ENPP1: variants seen among roughly 807,000 people sequenced by gnomAD.
The protein encoded by ENPP1 is ectonucleotide pyrophosphatase/phosphodiesterase 1, also known as ectonucleotide pyrophosphatase/phosphodiesterase family member 1.
Under a neutral mutation model 122.8 loss-of-function variants are expected in ENPP1, and 73 were observed. That is an observed-to-expected ratio of 0.59 (90% CI 0.49 to 0.72). The LOEUF (loss-of-function observed/expected upper bound fraction) is 0.72. ENPP1 is among the 30% of genes least tolerant of loss of function. The pLI is 0.00. For synonymous variants in ENPP1, 367 were observed against 391.6 expected, an observed-to-expected ratio of 0.94 and a Z score of 0.74; for missense variants, 978 against 1,128.1, an observed-to-expected ratio of 0.87 and a Z score of 1.91.
At chr6:131,880,340 G>T (rs1273848074) in intron 20 of ENPP1, among the ~76,000 whole-genome samples, 1 of 152,142 alleles carries the variant, frequency 6.6e-6, no homozygotes, top group Non-Finnish European at 1.5e-5. Context: ...GAGGCGGGCA[G>T]ATCACGAGGT....
intron 5 of ENPP1, among the ~76,000 whole-genome samples, chr6:131,853,758 G>A (rs1781909135): frequency 6.6e-6 from 1 of 152,146 alleles, no homozygotes; most frequent in Non-Finnish European, 1.5e-5. Context: ...TAAACTTTCA[G>A]TGGGAAGTCT....
intron 22 of ENPP1, among the ~76,000 whole-genome samples, chr6:131,884,098 T>C (rs1392441347): frequency 1.3e-5 from 2 of 152,234 alleles, no homozygotes; most frequent in Non-Finnish European, 2.9e-5. Context: ...AAGTTCTTGA[T>C]AATTGTCTAT....
intron 24 of ENPP1, among the ~76,000 whole-genome samples, chr6:131,889,652 G>A (rs1004957087): frequency 2.6e-5 from 4 of 151,996 alleles, no homozygotes; most frequent in Admixed American, 2.0e-4. Flanking sequence ...AGTATTCCAT[G>A]GTGTGTATGT....
chr6:131,856,584 C>T (rs1473252912), intron 6 of ENPP1, among the ~76,000 whole-genome samples: 101 of 133,892 alleles, frequency 7.5e-4, no homozygotes, highest in African/African-American at 2.3e-3. Context: ...TCCTGAATGG[C>T]AATGCCTAGG....
intron 4 of ENPP1, 165 bp downstream of exon 4, chr6:131,851,432 A>T: frequency 1.3e-6 from 1 of 746,388 alleles, no homozygotes; most frequent in Non-Finnish European, 2.2e-6. Context: ...TTAAACATAC[A>T]CATGGGGAGA....
At chr6:131,867,093 G>T (rs1037566621) in intron 11 of ENPP1, among the ~76,000 whole-genome samples, 12 of 152,112 alleles carry the variant, frequency 7.9e-5, no homozygotes, top group African/African-American at 2.2e-4. Context: ...CCATCAATTT[G>T]CAAACTCTGT....
At chr6:131,826,120 T>A in intron 1 of ENPP1, 1 of 824,194 alleles carries the variant, frequency 1.2e-6, no homozygotes, top group Non-Finnish European at 2.2e-6. Flanking sequence ...TTCCAGGTAA[T>A]TTCCAATGAA....
Position 131,893,574 on chromosome 6 carries a change from T to C in ENPP1, c.*3063T>C, listed in dbSNP as rs1199537900. ...TTCTACAAGTGTCACTGTGACCAACTTATGTACACATACTTTTTCTTGCTT... is the reference window on the plus strand; with the variant it reads ...TTCTACAAGTGTCACTGTGACCAACCTATGTACACATACTTTTTCTTGCTT... On this transcript the variant is annotated 3_prime_UTR_variant, in exon 25 of 25. Transcript: ENST00000647893. The C allele has an allele frequency of 6.6e-6, 1 of 152,254 alleles. No homozygotes were observed. The highest frequency in any genetic ancestry group is 1.9e-4 in the East Asian group (1 of 5,204). The allele number at this position is 152,254 out of a possible 1,614,324, so 9.4% of individuals were successfully genotyped here.
At chr6:131,834,689 C>A (rs1468809892) in intron 1 of ENPP1, among the ~76,000 whole-genome samples, 6 of 151,988 alleles carry the variant, frequency 3.9e-5, no homozygotes, top group African/African-American at 1.4e-4. Context: ...TGCCACTACG[C>A]CCAGCTAATT....
At chr6:131,880,334 C>T (rs1202630976) in intron 20 of ENPP1, among the ~76,000 whole-genome samples, 3 of 152,024 alleles carry the variant, frequency 2.0e-5, no homozygotes, top group Admixed American at 6.6e-5. Flanking sequence ...GAGGCCGAGG[C>T]GGGCAGATCA....
chr6:131,882,662 T>C (rs1782328139), intron 21 of ENPP1, among the ~76,000 whole-genome samples, 188 bp downstream of exon 21: 1 of 147,174 alleles, frequency 6.8e-6, no homozygotes, highest in Non-Finnish European at 1.5e-5. Flanking sequence ...TATATATATA[T>C]AGCTATATAT....
At position 131,885,870 on chromosome 6, in the gene ENPP1, T is replaced by C. The variant is rs536866392; in HGVS notation, c.2445-692T>C. Among the ~76,000 whole-genome samples the C allele has an allele frequency of 3.9e-5, 6 of 152,324 alleles. No individual in the cohort carries two copies. The South Asian group carries it at 6.2e-4, about 16-fold the overall frequency. Reference sequence around the variant, plus strand: ...AGAGGATACAGAAGAGAACTGCATATGCTTCCTACCCACGGCTTCACCCAG... The same window carrying C: ...AGAGGATACAGAAGAGAACTGCATACGCTTCCTACCCACGGCTTCACCCAG... On this transcript the variant is annotated intron_variant, in intron 23 of 24. Transcript: ENST00000647893.
At position 131,878,649 on chromosome 6, in the gene ENPP1, T is replaced by G. The variant is rs1161619572; in HGVS notation, c.1945+56T>G. On this transcript the variant is annotated intron_variant, in intron 19 of 24. Coordinates refer to ENST00000647893, the MANE Select transcript of ENPP1 (RefSeq NM_006208.3). ...TGTGAAGCAGGCATTTTCTCATCAGTGTGAAATGCAGAGAACTGGCTTGGG... is the reference window on the plus strand; with the variant it reads ...TGTGAAGCAGGCATTTTCTCATCAGGGTGAAATGCAGAGAACTGGCTTGGG... 4.6e-6 allele frequency: 6 copies of G among 1,310,202 alleles called. No homozygotes were observed. The Admixed American group carries it at 1.0e-4, about 22-fold the overall frequency. The allele number at this position is 1,310,202 out of a possible 1,614,324, so 81.2% of individuals were successfully genotyped here. A position where few individuals can be genotyped will look rare whatever the true frequency, so the allele number is the denominator to read the frequency against.
chr6:131,810,965 G>A (rs1464339078), intron 1 of ENPP1, among the ~76,000 whole-genome samples: 1 of 152,086 alleles, frequency 6.6e-6, no homozygotes, highest in Non-Finnish European at 1.5e-5. Flanking sequence ...TAGGTACTGA[G>A]CCAAACTGAG....
intron 12 of ENPP1, among the ~76,000 whole-genome samples, chr6:131,868,603 C>G (rs114014783): frequency 0.012 from 1,882 of 152,214 alleles, 43 homozygotes; most frequent in African/African-American, 0.043. Flanking sequence ...CCACACCTGG[C>G]TAATTAAAAA....
chr6:131,829,016 A>G (rs1781578921), intron 1 of ENPP1, among the ~76,000 whole-genome samples: 1 of 152,284 alleles, frequency 6.6e-6, no homozygotes, highest in South Asian at 2.1e-4. Context: ...CAAATAAATT[A>G]CAGAAACTTA....
chr6:131,828,620 G>A (rs911756967), intron 1 of ENPP1, among the ~76,000 whole-genome samples: 1 of 152,110 alleles, frequency 6.6e-6, no homozygotes, highest in Non-Finnish European at 1.5e-5. Flanking sequence ...GGTCAATGAT[G>A]GATGAGGCTA....
Position 131,890,597 on chromosome 6 carries a change from C to A in ENPP1, c.*86C>A. 8.2e-7 allele frequency: 1 copy of A among 1,221,666 alleles called. No homozygotes were observed. The highest frequency in any genetic ancestry group is 1.2e-6 in the Non-Finnish European group (1 of 829,340). The allele number at this position is 1,221,666 out of a possible 1,614,324, so 75.7% of individuals were successfully genotyped here. A position where few individuals can be genotyped will look rare whatever the true frequency, so the allele number is the denominator to read the frequency against. On this transcript the variant is annotated 3_prime_UTR_variant, in exon 25 of 25. Coordinates refer to ENST00000647893, the MANE Select transcript of ENPP1 (RefSeq NM_006208.3). ...CCTCTAGCTACACTATTGCATTGTT[C>A]AGAAACTGTCGACCAGAGTTAGAAC...
intron 15 of ENPP1, among the ~76,000 whole-genome samples, chr6:131,873,825 A>G (rs191064862): frequency 0.011 from 1,691 of 152,148 alleles, 37 homozygotes; most frequent in African/African-American, 0.039. Context: ...AAAAATATAT[A>G]TATATATGAA....
Sources: allele counts gnomAD v4.1 joint callset (sites outside exome capture counted in the v4.1 genomes callset), GRCh38; gene constraint gnomAD v4.1.1; transcripts MANE v1.5; gene names NCBI Gene and HGNC (gene_info 2026-07-23, HGNC 2026-07-21).